The following THRB variants were observed in gnomAD, a reference collection of about 807,000 sequenced individuals.
The protein encoded by THRB is thyroid hormone receptor beta.
Under a neutral mutation model 47.8 loss-of-function variants are expected in THRB, and 12 were observed. That is an observed-to-expected ratio of 0.25 (90% CI 0.16 to 0.41). The LOEUF (loss-of-function observed/expected upper bound fraction) is 0.41. THRB is among the 10% of genes least tolerant of loss of function. The pLI is 1.00. For missense variants in THRB, 348 were observed against 589.2 expected (o/e 0.59, Z 4.24); for synonymous variants, 218 against 212.2 (o/e 1.03, Z -0.24).
At chr3:24,202,560 G>A (rs1439627906) in intron 4 of THRB, among the ~76,000 whole-genome samples, 1 of 152,104 alleles carries the variant, frequency 6.6e-6, no homozygotes. Context: ...AAGCAACCAA[G>A]GTCATGAAGA....
At chr3:24,312,408 A>G (rs1329989026) in intron 2 of THRB, among the ~76,000 whole-genome samples, 1 of 152,174 alleles carries the variant, frequency 6.6e-6, no homozygotes, top group Non-Finnish European at 1.5e-5. Context: ...GTACTTCCTC[A>G]TAGGTGGGAA....
intron 1 of THRB, among the ~76,000 whole-genome samples, chr3:24,444,987 G>T (rs2071923829): frequency 6.6e-6 from 1 of 152,128 alleles, no homozygotes; most frequent in Admixed American, 6.6e-5. Flanking sequence ...GAAAGAGTTA[G>T]GGGCCACCAT....
intron 4 of THRB, among the ~76,000 whole-genome samples, chr3:24,192,750 A>G (rs2043500125): frequency 6.6e-6 from 1 of 152,100 alleles, no homozygotes; most frequent in Non-Finnish European, 1.5e-5. Flanking sequence ...GAGGTAAGGG[A>G]TAGGATTGCT....
rs1316107837 is a variant in THRB at position 24,118,893 on chromosome 3, C to T, written c.*3991G>A. ...TTAATGTGGAAACACACTATAAATG[C>T]ACACTTTTCGCATTTGCAAACATTT... On this transcript the variant is annotated 3_prime_UTR_variant, in exon 11 of 11. Transcript: ENST00000646209. 6.6e-6 allele frequency: 1 copy of T among 151,018 alleles called. No individual in the cohort carries two copies. Among genetic ancestry groups the T allele is most frequent in the Non-Finnish European group, 1.5e-5 (1 of 67,864 alleles). 9.4% of individuals were successfully genotyped at this position (151,018 alleles called of 1,614,324 possible).
At chr3:24,291,406 T>G (rs1465764464) in intron 3 of THRB, among the ~76,000 whole-genome samples, 1 of 152,314 alleles carries the variant, frequency 6.6e-6, no homozygotes, top group African/African-American at 2.4e-5. Context: ...CATGAGTTAT[T>G]GTCCATTGTC....
intron 1 of THRB, among the ~76,000 whole-genome samples, chr3:24,385,273 C>T (rs1241389852): frequency 1.3e-5 from 2 of 152,064 alleles, no homozygotes; most frequent in East Asian, 3.9e-4. Flanking sequence ...GGCCATCAGC[C>T]TGCTACTTGG....
rs148040397 is a variant in THRB at position 24,270,792 on chromosome 3, G to A, written c.-43+26434C>T. ...TGCCCTCTGGATCTTTTTGTAAAGT[G>A]GAGTGGCTTGACTAGTTTATTTCTG... is the stretch of plus-strand genomic sequence containing the variant. On this transcript the variant is annotated intron_variant, in intron 3 of 10. Coordinates refer to ENST00000646209, the MANE Select transcript of THRB (RefSeq NM_001354712.2). Among the ~76,000 whole-genome samples, 128 of 152,286 alleles carry A rather than the reference G, an allele frequency of 8.4e-4. 1 individual carries two copies. Among genetic ancestry groups the A allele is most frequent in the African/African-American group, 3.0e-3 (126 of 41,558 alleles).
At chr3:24,290,465 G>C (rs1386220814) in intron 3 of THRB, among the ~76,000 whole-genome samples, 1 of 152,106 alleles carries the variant, frequency 6.6e-6, no homozygotes, top group African/African-American at 2.4e-5. Context: ...CATGTTCACT[G>C]TAAACTTCAA....
chr3:24,169,251 G>C (rs2040098369), intron 5 of THRB, among the ~76,000 whole-genome samples: 1 of 152,104 alleles, frequency 6.6e-6, no homozygotes, highest in Non-Finnish European at 1.5e-5. Context: ...AGATGTAATA[G>C]AAGAAGTGTT....
At chr3:24,356,377 A>G (rs756334791) in intron 1 of THRB, among the ~76,000 whole-genome samples, 28 of 152,026 alleles carry the variant, frequency 1.8e-4, no homozygotes, top group Non-Finnish European at 3.8e-4. Context: ...GGCCCTGATG[A>G]TCTCTGAATT....
intron 9 of THRB, among the ~76,000 whole-genome samples, chr3:24,132,700 G>A (rs1481639297): frequency 6.6e-6 from 1 of 152,218 alleles, no homozygotes; most frequent in Non-Finnish European, 1.5e-5. Context: ...TCTACAGGGT[G>A]CCCTGAAGAT....
chr3:24,393,106 A>G (rs901206128), intron 1 of THRB, among the ~76,000 whole-genome samples: 2 of 152,158 alleles, frequency 1.3e-5, no homozygotes, highest in Admixed American at 6.6e-5. Context: ...TTCCATACAA[A>G]TACAAATAAC....
At chr3:24,295,866 T>A (rs1199627172) in intron 3 of THRB, among the ~76,000 whole-genome samples, 1 of 152,228 alleles carries the variant, frequency 6.6e-6, no homozygotes, top group Admixed American at 6.5e-5. Context: ...TCTGTGATAA[T>A]GTCAATGCTC....
chr3:24,293,228 T>G (rs1323228894), intron 3 of THRB, among the ~76,000 whole-genome samples: 3 of 152,224 alleles, frequency 2.0e-5, no homozygotes, highest in Non-Finnish European at 4.4e-5. Context: ...TGAGACGTGT[T>G]GATCATTAAG....
intron 3 of THRB, among the ~76,000 whole-genome samples, chr3:24,254,827 A>T (rs1011513131): frequency 6.6e-6 from 1 of 152,220 alleles, no homozygotes; most frequent in African/African-American, 2.4e-5. Flanking sequence ...ATGACCAATG[A>T]CTTAGTTTCT....
In THRB at chr3:24,198,090, T is replaced by G. The variant is rs868657758; in HGVS notation, c.23-7756A>C. 2.6e-5 allele frequency among the ~76,000 whole-genome samples: 4 copies of G among 152,268 alleles called. No homozygotes were observed. In the Middle Eastern group the frequency reaches 0.014, roughly 518 times the overall value. On this transcript the variant is annotated intron_variant, in intron 4 of 10. Transcript: ENST00000646209. ...TGCCTTTGAATCTACCCAGGTGGCT[T>G]TGCCTGGCCTGGGAACTTTTAACAG...
chr3:24,328,602 A>G (rs1576878465), intron 2 of THRB, among the ~76,000 whole-genome samples: 1 of 152,102 alleles, frequency 6.6e-6, no homozygotes, highest in East Asian at 1.9e-4. Context: ...CCCACATTCT[A>G]TCAATCCCCA....
chr3:24,266,541 A>C (rs1478202385), intron 3 of THRB, among the ~76,000 whole-genome samples: 1 of 152,208 alleles, frequency 6.6e-6, no homozygotes, highest in Non-Finnish European at 1.5e-5. Flanking sequence ...TGGCAGAGGC[A>C]GGGCTCTGAC....
At chr3:24,166,222 T>A (rs2039627955) in intron 5 of THRB, among the ~76,000 whole-genome samples, 1 of 152,240 alleles carries the variant, frequency 6.6e-6, no homozygotes, top group Non-Finnish European at 1.5e-5. Context: ...CATTAACTGT[T>A]CAATTCTGTA....
Sources: allele counts gnomAD v4.1 joint callset (sites outside exome capture counted in the v4.1 genomes callset), GRCh38; gene constraint gnomAD v4.1.1; transcripts MANE v1.5; gene names NCBI Gene and HGNC (gene_info 2026-07-23, HGNC 2026-07-21).